CYFIP1: variants seen among roughly 807,000 people sequenced by gnomAD.
CYFIP1 encodes cytoplasmic FMR1 interacting protein 1.
A neutral mutation model predicts 163.5 loss-of-function variants in CYFIP1; 58 were observed. That is an observed-to-expected ratio of 0.35 (90% CI 0.29 to 0.44). The LOEUF is 0.44. Among genes scored for constraint, CYFIP1 ranks in the 20% least tolerant of loss-of-function variants. The pLI is 1.00. For missense variants in CYFIP1, 1,338 were observed against 1,653.8 expected, an observed-to-expected ratio of 0.81 and a Z score of 3.31; for synonymous variants, 663 against 660.7, an observed-to-expected ratio of 1.00 and a Z score of -0.05.
intron 22 of CYFIP1, among the ~76,000 whole-genome samples, chr15:22,901,266 A>C (rs900232885): frequency 2.0e-5 from 3 of 152,130 alleles, no homozygotes; most frequent in African/African-American, 7.2e-5. Context: ...TGTGAAGATA[A>C]CTGATTCGGA....
Position 22,867,687 on chromosome 15 carries a change from A to AGAAG in CYFIP1, c.*2340_*2341insCTTC, listed in dbSNP as rs35420735. The AGAAG allele has an allele frequency of 1.3e-5, 2 of 152,468 alleles. No individual in the cohort carries two copies. Among genetic ancestry groups the AGAAG allele is most frequent in the Admixed American group, 6.5e-5 (1 of 15,268 alleles). 9.4% of individuals were successfully genotyped at this position (152,468 alleles called of 1,614,324 possible). A position where few individuals can be genotyped will look rare whatever the true frequency, so the allele number is the denominator to read the frequency against. ...ATAGAAGACTAGGGTTGTTTCTTAA[A>AGAAG]TTTAGCTCATGTTATAATAAAAAGT... On this transcript the variant is annotated 3_prime_UTR_variant, in exon 31 of 31. Coordinates refer to ENST00000617928, the MANE Select transcript of CYFIP1 (RefSeq NM_014608.6).
At chr15:22,964,852 C>G (rs1046387734) in intron 1 of CYFIP1, among the ~76,000 whole-genome samples, 3 of 152,150 alleles carry the variant, frequency 2.0e-5, no homozygotes, top group African/African-American at 7.2e-5. Context: ...GGGTTATTTG[C>G]AGCGACCCTC....
chr15:22,939,319 G>A lies in CYFIP1; in HGVS notation c.668C>T (p.Ser223Phe). The change falls in exon 8 of 31, where the codon TCT (serine) becomes TTT (phenylalanine). Residue 223 changes from serine (S) to phenylalanine (F), a missense_variant and splice_region_variant. By Grantham distance (155) the Ser-to-Phe change is radical (BLOSUM62 -2). Transcript: ENST00000617928. The stretch of plus-strand genomic sequence containing the variant: ...AATCACTTCGAGCTGCTGCTGCAGA[G>A]ACTGAAACACAGAGCAAGAGACTCA... ...FLANHNKITQ[S>F]LQQQLEVISG... 1 of 1,614,148 alleles carries A rather than the reference G, an allele frequency of 6.2e-7. No homozygotes were observed. Among genetic ancestry groups the A allele is most frequent in the Non-Finnish European group, 8.5e-7 (1 of 1,180,016 alleles).
In CYFIP1 at chr15:22,912,164, C is replaced by A; in HGVS notation, c.2082+15G>T. The A allele has an allele frequency of 1.2e-6, 2 of 1,600,666 alleles. No individual in the cohort carries two copies. ...TTGAAGGAAATGAACAGAAATGGAG[C>A]TGCAGGGGCCTCACCTCGGCCTCAA... is the stretch of plus-strand genomic sequence containing the variant. On this transcript the variant is annotated intron_variant, in intron 18 of 30. Coordinates refer to ENST00000617928, the MANE Select transcript of CYFIP1 (RefSeq NM_014608.6).
intron 22 of CYFIP1, among the ~76,000 whole-genome samples, chr15:22,897,577 G>A (rs553848722): frequency 2.0e-5 from 3 of 151,642 alleles, no homozygotes; most frequent in African/African-American, 7.3e-5. Flanking sequence ...TTGACGTCCC[G>A]GGTTCAAGTG....
chr15:22,918,930 C>CG, intron 13 of CYFIP1, 72 bp from the exon 14 acceptor site: 1 of 1,261,076 alleles, frequency 7.9e-7, no homozygotes, highest in Non-Finnish European at 1.1e-6. Context: ...TGGCACATGC[C>CG]GGGGGCTGCT....
chr15:22,882,796 A>G (rs1228494946), intron 24 of CYFIP1, 72 bp downstream of exon 24: 7 of 1,543,722 alleles, frequency 4.5e-6, no homozygotes, highest in Admixed American at 3.6e-5. Context: ...GTCCAGGCAG[A>G]GAAGACCCTC....
At chr15:22,882,819 C>T (rs1056639865) in intron 24 of CYFIP1, 49 bp downstream of exon 24, 8 of 1,586,030 alleles carry the variant, frequency 5.0e-6, no homozygotes, top group Non-Finnish European at 6.0e-6. Flanking sequence ...GCATGGGTGC[C>T]CCAGGGAATC....
intron 26 of CYFIP1, among the ~76,000 whole-genome samples, chr15:22,879,139 A>G (rs1219440580): frequency 1.3e-5 from 2 of 151,680 alleles, no homozygotes; most frequent in Non-Finnish European, 2.9e-5. Context: ...CCGTCTCAAA[A>G]AAAAAAAAAA....
rs56978336 is a variant in CYFIP1 at position 22,914,922 on chromosome 15, CA to C, written c.1829-41del. ...ACAACTCCATGTTATCTCCCGCAAGCAAAAAAAAACCTTTAGCAGAGATGAC... is the reference window on the plus strand; with the variant it reads ...ACAACTCCATGTTATCTCCCGCAAGCAAAAAAAACCTTTAGCAGAGATGAC... On this transcript the variant is annotated intron_variant, in intron 16 of 30. Transcript: ENST00000617928. 5.5e-4 allele frequency: 831 copies of C among 1,522,702 alleles called. 3 individuals are homozygous for C. In the African/African-American group the frequency reaches 6.2e-3, roughly 11 times the overall value. 94.3% of individuals were successfully genotyped at this position (1,522,702 alleles called of 1,614,324 possible).
chr15:22,917,300 G>A lies in CYFIP1; in HGVS notation c.1674+488C>T, dbSNP rs1037731299. On this transcript the variant is annotated intron_variant, in intron 15 of 30. Coordinates refer to ENST00000617928, the MANE Select transcript of CYFIP1 (RefSeq NM_014608.6). This position sits in a 1 kb window ranked among gnomAD's most constrained non-coding sequence, Gnocchi z 4.2. Reference sequence around the variant, plus strand: ...CAGGACGGAGGACAGACGCAGCGGTGTGGATTAAACCGGGTGTGAAAGTCG... The same window carrying A: ...CAGGACGGAGGACAGACGCAGCGGTATGGATTAAACCGGGTGTGAAAGTCG... 5.8e-5 allele frequency: 78 copies of A among 1,349,146 alleles called. No individual in the cohort carries two copies. The highest frequency in any genetic ancestry group is 7.3e-5 in the Non-Finnish European group (77 of 1,055,486). 83.6% of individuals were successfully genotyped at this position (1,349,146 alleles called of 1,614,324 possible). A position where few individuals can be genotyped will look rare whatever the true frequency, so the allele number is the denominator to read the frequency against.
At chr15:22,921,360 T>A (rs2061170397) in intron 13 of CYFIP1, among the ~76,000 whole-genome samples, 1 of 147,204 alleles carries the variant, frequency 6.8e-6, no homozygotes, top group Non-Finnish European at 1.5e-5. Context: ...ACAGCGAGAC[T>A]CTGTCTCAAA....
rs1319453688 is a variant in CYFIP1, at chr15:22,912,120, A to G, written c.2082+59T>C. On this transcript the variant is annotated intron_variant, in intron 18 of 30. Coordinates refer to ENST00000617928, the MANE Select transcript of CYFIP1 (RefSeq NM_014608.6). ...AAGTTGAATACTTGGGAGAAAACAA[A>G]AAGAGAAAGGAGATTTAATTGAAGG... 2.8e-6 allele frequency: 4 copies of G among 1,453,470 alleles called. No homozygotes were observed. The East Asian group carries it at 9.5e-5, about 34-fold the overall frequency. 90.0% of individuals were successfully genotyped at this position (1,453,470 alleles called of 1,614,324 possible). A position where few individuals can be genotyped will look rare whatever the true frequency, so the allele number is the denominator to read the frequency against.
chr15:22,909,746 T>C (rs2060719007), intron 20 of CYFIP1, among the ~76,000 whole-genome samples: 1 of 152,194 alleles, frequency 6.6e-6, no homozygotes, highest in Non-Finnish European at 1.5e-5. Flanking sequence ...TTTTTAATGT[T>C]TGTGGGTACG....
At chr15:22,957,866 A>G (rs2062532202) in intron 1 of CYFIP1, among the ~76,000 whole-genome samples, 1 of 152,214 alleles carries the variant, frequency 6.6e-6, no homozygotes, top group Non-Finnish European at 1.5e-5. Context: ...CTGAAGAAGA[A>G]AAGCATACTT....
chr15:22,900,129 A>C (rs934668253), intron 22 of CYFIP1, among the ~76,000 whole-genome samples: 2 of 152,112 alleles, frequency 1.3e-5, no homozygotes, highest in African/African-American at 4.8e-5. Flanking sequence ...TCTGGCTAAG[A>C]CAAGGTCATA....
chr15:22,967,557 C>A (rs1303564490), intron 1 of CYFIP1, among the ~76,000 whole-genome samples: 2 of 152,028 alleles, frequency 1.3e-5, no homozygotes, highest in African/African-American at 4.8e-5. Flanking sequence ...CAGGGCCCGG[C>A]CCCACCACAG....
In CYFIP1 at chr15:22,947,042, G is replaced by C. The variant is rs745649616; in HGVS notation, c.168C>G (p.Ile56Met). The change falls in exon 3 of 31, where the codon ATC becomes ATG. Residue 56 changes from isoleucine (I) to methionine (M), a missense_variant. Ile to Met is a conservative substitution (Grantham distance 10, BLOSUM62 1). Transcript: ENST00000617928. ...CGGTGGCTTGTTCAATGTATCTTGC[G>C]ATGCCAGTAACAAATGCATTTCTGT... ...FEDRNAFVTGIARYIEQATVH... is the reference protein window; with the variant it reads ...FEDRNAFVTGMARYIEQATVH... 5.6e-6 allele frequency: 9 copies of C among 1,614,004 alleles called. No homozygotes were observed. In the South Asian group the frequency reaches 6.6e-5, roughly 12 times the overall value.
At position 22,945,385 on chromosome 15, in the gene CYFIP1, G is replaced by A. The variant is rs985464252; in HGVS notation, c.208-446C>T. The stretch of plus-strand genomic sequence containing the variant: ...GACTAGAGGCAGGGCTGCCAGCCCC[G>A]GGTGTGCAGGAGGAAAAGTTAGGAG... On this transcript the variant is annotated intron_variant, in intron 3 of 30. Transcript: ENST00000617928. Among the ~76,000 whole-genome samples, 4 of 152,156 alleles carry A rather than the reference G, an allele frequency of 2.6e-5. No individual in the cohort carries two copies. In the East Asian group the frequency reaches 7.7e-4, roughly 29 times the overall value.
Sources: allele counts gnomAD v4.1 joint callset (sites outside exome capture counted in the v4.1 genomes callset), GRCh38; gene constraint gnomAD v4.1.1; non-coding constraint Gnocchi (gnomAD v3.1); transcripts MANE v1.5; gene names NCBI Gene and HGNC (gene_info 2026-07-23, HGNC 2026-07-21).